UBXN7: variants seen among roughly 807,000 people sequenced by gnomAD.
UBXN7 encodes the protein UBX domain protein 7.
A neutral mutation model predicts 58.0 loss-of-function variants in UBXN7; 9 were observed. The ratio of observed to expected loss-of-function variants is 0.16; its 90% CI spans 0.09 to 0.27. The LOEUF (loss-of-function observed/expected upper bound fraction) is 0.27. UBXN7 is among the 10% of genes least tolerant of loss of function. The probability of loss-of-function intolerance (pLI) is 1.00; values close to 1 mark genes in which losing one functional copy is unlikely to be tolerated. For synonymous variants in UBXN7, 208 were observed against 205.0 expected (o/e 1.01, Z -0.12); for missense variants, 328 against 599.6 (o/e 0.55, Z 4.73).
chr3:196,428,165 A>G lies in UBXN7; in HGVS notation c.73+4162T>C, dbSNP rs912751284. On this transcript the variant is annotated intron_variant, in intron 1 of 10. Transcript: ENST00000296328. ...AAAAACAAACAAAAAGCAAGCATCA[A>G]TGGTAAACCATACTGTATACAGCTT... is the stretch of plus-strand genomic sequence containing the variant. 2.6e-5 allele frequency among the ~76,000 whole-genome samples: 4 copies of G among 152,216 alleles called. No individual in the cohort carries two copies. In the South Asian group the frequency reaches 6.2e-4, roughly 24 times the overall value.
Position 196,356,901 on chromosome 3 carries a change from A to G in UBXN7, c.1309-55T>C, listed in dbSNP as rs1728366616. ...TAGACGGAAAAAGAGGAAAGAGCAT[A>G]TTAGTGAATTAAATAGAAAACATTC... On this transcript the variant is annotated intron_variant, in intron 10 of 10. Coordinates refer to ENST00000296328, the MANE Select transcript of UBXN7 (RefSeq NM_015562.2). 5 of 1,553,568 alleles carry G rather than the reference A, an allele frequency of 3.2e-6. No homozygotes were observed. In the South Asian group the frequency reaches 4.9e-5, roughly 15 times the overall value.
At chr3:196,419,134 G>A (rs373303190) in intron 1 of UBXN7, among the ~76,000 whole-genome samples, 3 of 152,074 alleles carry the variant, frequency 2.0e-5, no homozygotes, top group African/African-American at 4.8e-5. Context: ...GGGCCTGGTG[G>A]CGGGCGTCCA....
chr3:196,362,071 G>A, intron 9 of UBXN7, 148 bp from the exon 10 acceptor site: 1 of 986,640 alleles, frequency 1.0e-6, no homozygotes, highest in Non-Finnish European at 1.5e-6. Context: ...TCAGCTCACT[G>A]CAACCTCCGC....
rs373823667 is a variant in UBXN7, at chr3:196,351,649, A to C, written c.*5036T>G. On this transcript the variant is annotated 3_prime_UTR_variant, in exon 11 of 11. Transcript: ENST00000296328. ...GTTCTAGAAAAGGCTGAGAACTATT[A>C]ATCTAGTCCAATTATCTCATTTTTC... 3 of 152,196 alleles carry C rather than the reference A, an allele frequency of 2.0e-5. No homozygotes were observed. The highest frequency in any genetic ancestry group is 6.5e-5 in the Admixed American group (1 of 15,280). 9.4% of individuals were successfully genotyped at this position (152,196 alleles called of 1,614,324 possible). A position where few individuals can be genotyped will look rare whatever the true frequency, so the allele number is the denominator to read the frequency against.
In UBXN7 at chr3:196,355,530, G is replaced by T. The variant is rs1047632018; in HGVS notation, c.*1155C>A. ...ATGGAGTTGAAAGGTCTTCCCCTTA[G>T]AGAGGCTTTCCGTTTTGATACCTTT... On this transcript the variant is annotated 3_prime_UTR_variant, in exon 11 of 11. Transcript: ENST00000296328. 12 of 152,174 alleles carry T rather than the reference G, an allele frequency of 7.9e-5. No individual in the cohort carries two copies. Among genetic ancestry groups the T allele is most frequent in the African/African-American group, 2.7e-4 (11 of 41,428 alleles). The allele number at this position is 152,174 out of a possible 1,614,324, so 9.4% of individuals were successfully genotyped here. A position where few individuals can be genotyped will look rare whatever the true frequency, so the allele number is the denominator to read the frequency against.
chr3:196,369,303 C>A (rs1728754414), intron 7 of UBXN7, 118 bp downstream of exon 7: 4 of 811,860 alleles, frequency 4.9e-6, no homozygotes, highest in South Asian at 4.8e-5. Context: ...AAAAACGAAA[C>A]CTTCACCTAA....
At chr3:196,393,779 C>A (rs1729657479) in intron 3 of UBXN7, 160 bp from the exon 4 acceptor site, 2 of 556,072 alleles carry the variant, frequency 3.6e-6, no homozygotes, top group Non-Finnish European at 6.1e-6. Flanking sequence ...CTGTCTCGTT[C>A]CAATTTTAGT....
rs1728357645 is a variant in UBXN7 at position 196,356,654 on chromosome 3, G to A, written c.*31C>T. ...GTATCTCACAGGAAAAGGGAAAAAA[G>A]GGGTAAGCTGAGAGAGGTCAAGCCA... On this transcript the variant is annotated 3_prime_UTR_variant, in exon 11 of 11. Transcript: ENST00000296328. 1.3e-6 allele frequency: 2 copies of A among 1,562,562 alleles called. No individual in the cohort carries two copies. Among genetic ancestry groups the A allele is most frequent in the Admixed American group, 2.2e-5 (1 of 45,212 alleles).
intron 3 of UBXN7, among the ~76,000 whole-genome samples, chr3:196,396,285 G>A (rs1729767860): frequency 6.7e-6 from 1 of 150,094 alleles, no homozygotes; most frequent in Non-Finnish European, 1.5e-5. Flanking sequence ...TCTGGCCCTG[G>A]TGCAGTGATG....
At chr3:196,417,589 T>C (rs765898058) in intron 1 of UBXN7, among the ~76,000 whole-genome samples, 1 of 151,622 alleles carries the variant, frequency 6.6e-6, no homozygotes, top group South Asian at 2.1e-4. Flanking sequence ...ATTTATCAAC[T>C]TCATGAAGTG....
intron 3 of UBXN7, 83 bp from the exon 4 acceptor site, chr3:196,393,702 T>C (rs1729654490): frequency 7.2e-7 from 1 of 1,394,082 alleles, no homozygotes; most frequent in Non-Finnish European, 9.9e-7. Flanking sequence ...AAAAGTATTT[T>C]TTTAATAAAA....
chr3:196,388,092 A>G (rs1729465629), intron 5 of UBXN7, among the ~76,000 whole-genome samples: 1 of 152,098 alleles, frequency 6.6e-6, no homozygotes, highest in Admixed American at 6.6e-5. Context: ...GCACATATAC[A>G]ACATGGAATA....
chr3:196,432,300 C>G (rs201109613), intron 1 of UBXN7, 27 bp downstream of exon 1: 1 of 1,613,048 alleles, frequency 6.2e-7, no homozygotes, highest in Non-Finnish European at 8.5e-7. Context: ...ACCCCACTCT[C>G]CACCTTCCGG....
At chr3:196,361,742 G>T in intron 10 of UBXN7, 102 bp downstream of exon 10, 3 of 967,974 alleles carry the variant, frequency 3.1e-6, no homozygotes, top group Non-Finnish European at 3.2e-6. Context: ...ATAGACTATG[G>T]AATAATGTAA....
chr3:196,363,921 CAAAA>C (rs397975657), intron 8 of UBXN7, among the ~76,000 whole-genome samples: 1 of 113,292 alleles, frequency 8.8e-6, no homozygotes. Flanking sequence ...GACTCCATCT[CAAAA>C]AAAAAAAAAA....
chr3:196,426,691 A>G (rs909915142), intron 1 of UBXN7, among the ~76,000 whole-genome samples: 1 of 151,824 alleles, frequency 6.6e-6, no homozygotes, highest in Non-Finnish European at 1.5e-5. Context: ...TCTACTAAAA[A>G]TACAAAATGA....
chr3:196,394,393 G>A (rs1307604391), intron 3 of UBXN7, among the ~76,000 whole-genome samples: 2 of 151,302 alleles, frequency 1.3e-5, no homozygotes, highest in Non-Finnish European at 2.9e-5. Context: ...ACCTGAAGTC[G>A]AGTTCAAGAC....
chr3:196,358,822 CTTTT>C (rs76477098), intron 10 of UBXN7, among the ~76,000 whole-genome samples: 3 of 139,100 alleles, frequency 2.2e-5, no homozygotes, highest in Non-Finnish European at 3.2e-5. Context: ...ACACCTCTTT[CTTTT>C]TTTTTTTTTT....
At chr3:196,410,282 T>C (rs1213052976) in intron 1 of UBXN7, among the ~76,000 whole-genome samples, 1 of 152,134 alleles carries the variant, frequency 6.6e-6, no homozygotes, top group East Asian at 1.9e-4. Context: ...AGCACTTTTT[T>C]TCTCAGCAGC....
Sources: gnomAD v4.1 joint callset for allele counts (sites outside exome capture counted in the v4.1 genomes callset) on GRCh38, gnomAD v4.1.1 for gene constraint, MANE v1.5 for transcripts, NCBI Gene and HGNC (gene_info 2026-07-23, HGNC 2026-07-21) for gene names.